The following GRID2 variants were observed in gnomAD, a reference collection of about 807,000 sequenced individuals.
GRID2 encodes the protein glutamate ionotropic receptor delta type subunit 2, also known as glutamate receptor ionotropic, delta-2.
A neutral mutation model predicts 114.8 loss-of-function variants in GRID2; 33 were observed. The ratio of observed to expected loss-of-function variants is 0.29; its 90% CI spans 0.22 to 0.38. The LOEUF is 0.38. GRID2 is among the 10% of genes least tolerant of loss of function. The pLI, the probability that GRID2 is intolerant of heterozygous loss-of-function variation, is 1.00. For synonymous variants in GRID2, 505 were observed against 449.9 expected (o/e 1.12, Z -1.55); for missense variants, 1,184 against 1,257.7 (o/e 0.94, Z 0.89).
chr4:92,664,986 C>CTT (rs201290131), intron 2 of GRID2, among the ~76,000 whole-genome samples: 10 of 127,596 alleles, frequency 7.8e-5, no homozygotes, highest in African/African-American at 1.4e-4. Flanking sequence ...CTCTGCCATT[C>CTT]TTTTTTTTTT....
intron 2 of GRID2, among the ~76,000 whole-genome samples, chr4:92,846,627 C>T (rs938628243): frequency 2.0e-5 from 3 of 152,032 alleles, no homozygotes; most frequent in Non-Finnish European, 4.4e-5. Flanking sequence ...CTCTCTCTAC[C>T]TTTGTTTTGT....
At chr4:93,586,046 C>T (rs541074670) in intron 13 of GRID2, among the ~76,000 whole-genome samples, 1 of 152,194 alleles carries the variant, frequency 6.6e-6, no homozygotes, top group South Asian at 2.1e-4. Context: ...AAACCTATGG[C>T]TCCAGCAGAG....
chr4:93,521,608 TAGA>T (rs919167593), intron 13 of GRID2, among the ~76,000 whole-genome samples: 3 of 151,430 alleles, frequency 2.0e-5, no homozygotes, highest in East Asian at 2.0e-4. Context: ...CCTGGTAGAG[TAGA>T]AGAAGAGATT....
chr4:93,582,470 A>G (rs575123769), intron 13 of GRID2, among the ~76,000 whole-genome samples: 2 of 152,200 alleles, frequency 1.3e-5, no homozygotes, highest in Non-Finnish European at 2.9e-5. Flanking sequence ...GGAGTGGGAT[A>G]AAGCATTATT....
chr4:93,142,882 G>A (rs1272291746), intron 4 of GRID2, among the ~76,000 whole-genome samples: 1 of 152,196 alleles, frequency 6.6e-6, no homozygotes, highest in East Asian at 1.9e-4. Flanking sequence ...CTAGGCTGGA[G>A]AGAGAGAATT....
intron 1 of GRID2, among the ~76,000 whole-genome samples, chr4:92,392,287 G>A (rs781432895): frequency 1.4e-4 from 22 of 152,116 alleles, no homozygotes; most frequent in Non-Finnish European, 3.2e-4. Flanking sequence ...GGGCGCGGTG[G>A]CCTGTAATCC....
In GRID2 at chr4:93,126,584, C is replaced by CTTTTTTTTT. The variant is rs60017147; in HGVS notation, c.735+15654_735+15662dup. ...GACAGTCATTGATAACTATTTAATTCTTTTTTTTTTTTTTTTTTTTTTTTT... is the reference window on the plus strand; with the variant it reads ...GACAGTCATTGATAACTATTTAATTCTTTTTTTTTTTTTTTTTTTTTTTTTTTTTTTTTT... On this transcript the variant is annotated intron_variant, in intron 4 of 15. Coordinates refer to ENST00000282020, the MANE Select transcript of GRID2 (RefSeq NM_001510.4). Among the ~76,000 whole-genome samples the CTTTTTTTTT allele has an allele frequency of 8.5e-4, 45 of 52,750 alleles. 5 individuals carry two copies. The highest frequency in any genetic ancestry group is 9.0e-4 in the Non-Finnish European group (27 of 30,138). The allele number at this position is 52,750 out of a possible 152,430, so 34.6% of individuals were successfully genotyped here.
intron 2 of GRID2, among the ~76,000 whole-genome samples, chr4:92,633,710 G>C (rs977244258): frequency 6.6e-6 from 1 of 151,994 alleles, no homozygotes; most frequent in Non-Finnish European, 1.5e-5. Context: ...CATTTTCAAA[G>C]GACCAGAATA....
chr4:92,792,873 A>G (rs940447014), intron 2 of GRID2, among the ~76,000 whole-genome samples: 1 of 149,910 alleles, frequency 6.7e-6, no homozygotes, highest in Non-Finnish European at 1.5e-5. Context: ...TAATTCCAGG[A>G]CCAGCGACTC....
rs375540286 is a variant in GRID2, at chr4:92,985,316, C to T, written c.245-99679C>T. On this transcript the variant is annotated intron_variant, in intron 2 of 15. Coordinates refer to ENST00000282020, the MANE Select transcript of GRID2 (RefSeq NM_001510.4). ...TCAGCTCACTGCAAGCTCCGCCTCC[C>T]GGGTTCCCGCCATTCTTCTGCCTCA... is the stretch of plus-strand genomic sequence containing the variant. 1.9e-4 allele frequency among the ~76,000 whole-genome samples: 29 copies of T among 151,802 alleles called. No individual in the cohort carries two copies. The East Asian group carries it at 4.5e-3, about 24-fold the overall frequency.
At chr4:93,459,008 C>A (rs1271266418) in intron 11 of GRID2, among the ~76,000 whole-genome samples, 1 of 151,490 alleles carries the variant, frequency 6.6e-6, no homozygotes, top group Non-Finnish European at 1.5e-5. Flanking sequence ...GGTGAAACAC[C>A]ATCTCTGCTA....
At chr4:93,359,761 T>A (rs1191793971) in intron 8 of GRID2, among the ~76,000 whole-genome samples, 1 of 118,436 alleles carries the variant, frequency 8.4e-6, no homozygotes, top group Middle Eastern at 4.8e-3. Context: ...AGCTCCAACA[T>A]CATGGATAGC....
At chr4:92,840,957 A>G (rs1463135214) in intron 2 of GRID2, among the ~76,000 whole-genome samples, 1 of 151,976 alleles carries the variant, frequency 6.6e-6, no homozygotes, top group Admixed American at 6.6e-5. Flanking sequence ...TTTTCTTCTT[A>G]ATAACTATTC....
chr4:93,158,303 T>C (rs1215167401), intron 4 of GRID2, among the ~76,000 whole-genome samples: 2 of 151,806 alleles, frequency 1.3e-5, no homozygotes, highest in African/African-American at 2.4e-5. Flanking sequence ...GTTTTATCAT[T>C]TTACATTTAT....
intron 9 of GRID2, 102 bp downstream of exon 9, chr4:93,395,810 C>A: frequency 1.8e-6 from 1 of 549,248 alleles, no homozygotes; most frequent in Non-Finnish European, 3.4e-6. Context: ...GAGATTTTAA[C>A]AAATTCTAAA....
chr4:92,370,850 G>A (rs976554077), intron 1 of GRID2, among the ~76,000 whole-genome samples: 1 of 152,124 alleles, frequency 6.6e-6, no homozygotes, highest in South Asian at 2.1e-4. Context: ...GGTGGGCCTG[G>A]TAGTGAGTTA....
intron 4 of GRID2, among the ~76,000 whole-genome samples, chr4:93,173,598 A>C (rs762055172): frequency 6.6e-5 from 10 of 152,154 alleles, no homozygotes; most frequent in Admixed American, 3.3e-4. Flanking sequence ...TTATTATCAT[A>C]ACTTGGCTTA....
rs1721213186 is a variant in GRID2 at position 93,634,270 on chromosome 4, G to A, written c.2360+7835G>A. On this transcript the variant is annotated intron_variant, in intron 14 of 15. Coordinates refer to ENST00000282020, the MANE Select transcript of GRID2 (RefSeq NM_001510.4). The stretch of plus-strand genomic sequence containing the variant: ...AAAAATAAATCGAATTTGGATATGA[G>A]AGCAGGTGCAGGTAAAATACTCAGG... Among the ~76,000 whole-genome samples, 5 of 152,082 alleles carry A rather than the reference G, an allele frequency of 3.3e-5. No individual in the cohort carries two copies. The South Asian group carries it at 8.3e-4, about 25-fold the overall frequency.
At chr4:93,153,801 T>A (rs553226081) in intron 4 of GRID2, among the ~76,000 whole-genome samples, 64 of 152,118 alleles carry the variant, frequency 4.2e-4, no homozygotes, top group Non-Finnish European at 7.4e-4. Flanking sequence ...ATAATTGGAA[T>A]TTAGTTCTCC....
Sources: gnomAD v4.1 joint callset for allele counts (sites outside exome capture counted in the v4.1 genomes callset) on GRCh38, gnomAD v4.1.1 for gene constraint, MANE v1.5 for transcripts, NCBI Gene and HGNC (gene_info 2026-07-23, HGNC 2026-07-21) for gene names.